The following FGF12 variants were observed in gnomAD, a reference collection of about 807,000 sequenced individuals.
The protein encoded by FGF12 is fibroblast growth factor 12.
Under a neutral mutation model 23.6 loss-of-function variants are expected in FGF12, and 14 were observed. The observed-to-expected ratio is 0.59, with a 90% CI of 0.39 to 0.93. FGF12 has a LOEUF of 0.93. Among genes scored for constraint, FGF12 ranks in the 40% least tolerant of loss-of-function variants. FGF12 has a pLI of 0.00. For missense variants in FGF12, 175 were observed against 217.8 expected, an observed-to-expected ratio of 0.80 and a Z score of 1.24; for synonymous variants, 62 against 77.3, an observed-to-expected ratio of 0.80 and a Z score of 1.04.
intron 2 of FGF12, among the ~76,000 whole-genome samples, chr3:192,684,463 T>A (rs1314128709): frequency 6.6e-6 from 1 of 152,058 alleles, no homozygotes; most frequent in Non-Finnish European, 1.5e-5. Context: ...CAGCTGCCCG[T>A]TTGCTTTTTT....
chr3:192,575,843 G>A (rs1712857288), intron 2 of FGF12, among the ~76,000 whole-genome samples: 1 of 151,884 alleles, frequency 6.6e-6, no homozygotes, highest in African/African-American at 2.4e-5. Context: ...GCACCTAGCT[G>A]CCACTTTATG....
chr3:192,268,740 C>A (rs1004580145), intron 4 of FGF12: 6 of 444,168 alleles, frequency 1.4e-5, no homozygotes, highest in African/African-American at 1.2e-4. Context: ...CCTGTAAAAC[C>A]TGCAGAACTG....
At chr3:192,435,014 C>T (rs1356347598) in intron 2 of FGF12, among the ~76,000 whole-genome samples, 1 of 152,054 alleles carries the variant, frequency 6.6e-6, no homozygotes, top group Non-Finnish European at 1.5e-5. Context: ...GCCTTAGGTC[C>T]CATTTTCACA....
chr3:192,360,171 G>A lies in FGF12; in HGVS notation c.124+257C>T, dbSNP rs1282777055. 1.3e-5 allele frequency among the ~76,000 whole-genome samples: 2 copies of A among 152,138 alleles called. No homozygotes were observed. The highest frequency in any genetic ancestry group is 2.9e-5 in the Non-Finnish European group (2 of 68,024). ...TCATCATGCTGCCTAAAAACACTGTGATGGGAGTATATTCTTGCCCATTGA... is the reference window on the plus strand; with the variant it reads ...TCATCATGCTGCCTAAAAACACTGTAATGGGAGTATATTCTTGCCCATTGA... On this transcript the variant is annotated intron_variant, in intron 3 of 5. Coordinates refer to ENST00000445105, the MANE Select transcript of FGF12 (RefSeq NM_004113.6). The surrounding 1 kb of genome is among the most constrained non-coding windows in gnomAD (Gnocchi z 4.3).
At chr3:192,617,484 C>A (rs1233521910) in intron 2 of FGF12, among the ~76,000 whole-genome samples, 1 of 152,044 alleles carries the variant, frequency 6.6e-6, no homozygotes, top group Non-Finnish European at 1.5e-5. Flanking sequence ...TCCAACTTGA[C>A]CATTCTGGTT....
At chr3:192,337,751 G>C (rs1476863209) in intron 3 of FGF12, among the ~76,000 whole-genome samples, 1 of 152,126 alleles carries the variant, frequency 6.6e-6, no homozygotes, top group Non-Finnish European at 1.5e-5. Flanking sequence ...GATTCACAGA[G>C]ATGTATCCTC....
chr3:192,291,576 C>T (rs555485316), intron 4 of FGF12, among the ~76,000 whole-genome samples: 84 of 151,520 alleles, frequency 5.5e-4, no homozygotes, highest in African/African-American at 2.0e-3. Context: ...GAACAAAACC[C>T]TGTCTTAAAA....
At chr3:192,185,501 A>G (rs1716405643) in intron 4 of FGF12, among the ~76,000 whole-genome samples, 1 of 152,172 alleles carries the variant, frequency 6.6e-6, no homozygotes, top group African/African-American at 2.4e-5. Flanking sequence ...CAAAATTCAG[A>G]ACTTAACTCA....
chr3:192,252,369 T>C (rs535210640), intron 4 of FGF12, among the ~76,000 whole-genome samples: 1 of 138,246 alleles, frequency 7.2e-6, no homozygotes, highest in Admixed American at 8.0e-5. Flanking sequence ...AGGTTGAGGC[T>C]GGAGGATCCC....
chr3:192,410,118 G>C (rs1215021526), intron 2 of FGF12, among the ~76,000 whole-genome samples: 13 of 152,156 alleles, frequency 8.5e-5, no homozygotes. Flanking sequence ...CCTCCCGCAC[G>C]GCCCGCCGAC....
chr3:192,364,241 C>G (rs1577391283), intron 2 of FGF12, among the ~76,000 whole-genome samples: 1 of 152,196 alleles, frequency 6.6e-6, no homozygotes, highest in African/African-American at 2.4e-5. Flanking sequence ...TCTAGCACAA[C>G]AGTGACACTA....
At chr3:192,532,455 A>G (rs1725115739) in intron 2 of FGF12, among the ~76,000 whole-genome samples, 1 of 151,992 alleles carries the variant, frequency 6.6e-6, no homozygotes, top group Admixed American at 6.6e-5. Flanking sequence ...CTCCTTGTAG[A>G]GATCTTTCAC....
intron 2 of FGF12, among the ~76,000 whole-genome samples, chr3:192,608,513 T>G (rs1374465849): frequency 6.6e-6 from 1 of 152,112 alleles, no homozygotes; most frequent in African/African-American, 2.4e-5. Context: ...TAAGGAGCCA[T>G]CAGCACATGC....
intron 2 of FGF12, among the ~76,000 whole-genome samples, chr3:192,420,648 G>A (rs946408205): frequency 5.3e-5 from 8 of 152,142 alleles, no homozygotes; most frequent in East Asian, 1.9e-4. Context: ...TTCCCCCTTC[G>A]CCTTCTGCTG....
intron 3 of FGF12, among the ~76,000 whole-genome samples, chr3:192,337,779 A>G (rs1024287753): frequency 2.0e-5 from 3 of 152,220 alleles, no homozygotes; most frequent in Non-Finnish European, 4.4e-5. Context: ...GCTATTTGTC[A>G]TGAATACCTA....
At chr3:192,636,187 AC>A (rs1205428995) in intron 2 of FGF12, among the ~76,000 whole-genome samples, 3 of 152,232 alleles carry the variant, frequency 2.0e-5, no homozygotes, top group African/African-American at 7.2e-5. Context: ...ATGTTATATA[AC>A]TAGGAAGACA....
chr3:192,427,914 T>C (rs534083112), intron 2 of FGF12, among the ~76,000 whole-genome samples: 2 of 152,358 alleles, frequency 1.3e-5, no homozygotes, highest in South Asian at 4.1e-4. Flanking sequence ...ATATCCCTCT[T>C]GATTTTGTGT....
chr3:192,226,220 C>G (rs1202771114), intron 4 of FGF12, among the ~76,000 whole-genome samples: 1 of 152,156 alleles, frequency 6.6e-6, no homozygotes, highest in Non-Finnish European at 1.5e-5. Context: ...TCCTGGTATG[C>G]TTTTTTCCCC....
chr3:192,469,277 A>G (rs545714571), intron 2 of FGF12, among the ~76,000 whole-genome samples: 94 of 152,316 alleles, frequency 6.2e-4, no homozygotes, highest in African/African-American at 2.0e-3. Flanking sequence ...TTATAAACAG[A>G]GTGCCTCTGT....
Sources: allele counts gnomAD v4.1 joint callset (sites outside exome capture counted in the v4.1 genomes callset), GRCh38; gene constraint gnomAD v4.1.1; non-coding constraint Gnocchi (gnomAD v3.1); transcripts MANE v1.5; gene names NCBI Gene and HGNC (gene_info 2026-07-23, HGNC 2026-07-21).